The following RYR3 variants were observed in gnomAD, a reference collection of about 807,000 sequenced individuals.
RYR3 encodes the protein brain ryanodine receptor-calcium release channel.
Under a neutral mutation model 584.3 loss-of-function variants are expected in RYR3, and 207 were observed. The ratio of observed to expected loss-of-function variants is 0.35; its 90% CI spans 0.32 to 0.40. The LOEUF (loss-of-function observed/expected upper bound fraction) is 0.40, where lower values mean the gene tolerates loss of function less well. Among genes scored for constraint, RYR3 ranks in the 10% least tolerant of loss-of-function variants. The pLI is 1.00. For missense variants in RYR3, 5,616 were observed against 6,089.2 expected (o/e 0.92, Z 2.59); for synonymous variants, 2,416 against 2,248.5 (o/e 1.07, Z -2.11).
intron 1 of RYR3, among the ~76,000 whole-genome samples, chr15:33,438,965 G>C (rs981238693): frequency 1.4e-4 from 22 of 152,190 alleles, no homozygotes; most frequent in Admixed American, 1.3e-3. Context: ...ATAGGAATGA[G>C]AGAATGGGCC....
chr15:33,406,058 G>T (rs1356093828), intron 1 of RYR3, among the ~76,000 whole-genome samples: 1 of 152,206 alleles, frequency 6.6e-6, no homozygotes, highest in Non-Finnish European at 1.5e-5. Flanking sequence ...TACCCAGGAG[G>T]ACATGTTATT....
chr15:33,856,189 G>A (rs1567336995), intron 98 of RYR3: 1 of 152,260 alleles, frequency 6.6e-6, no homozygotes, highest in Non-Finnish European at 1.5e-5. Context: ...CAAAGTCCAA[G>A]TTCTTTCTCT....
At chr15:33,317,552 T>C (rs1436219166) in intron 1 of RYR3, among the ~76,000 whole-genome samples, 1 of 152,186 alleles carries the variant, frequency 6.6e-6, no homozygotes, top group Non-Finnish European at 1.5e-5. Flanking sequence ...TTTGCCATCA[T>C]AGCACCTCTT....
intron 1 of RYR3, among the ~76,000 whole-genome samples, chr15:33,420,790 T>C (rs1409654867): frequency 1.3e-5 from 2 of 152,124 alleles, no homozygotes; most frequent in Non-Finnish European, 2.9e-5. Flanking sequence ...TGATGAAATA[T>C]GCAGATATGG....
intron 16 of RYR3, among the ~76,000 whole-genome samples, chr15:33,586,897 T>G (rs2058877536): frequency 6.6e-6 from 1 of 152,094 alleles, no homozygotes; most frequent in Non-Finnish European, 1.5e-5. Context: ...AGACGCGATA[T>G]TCAACGGCTC....
intron 1 of RYR3, among the ~76,000 whole-genome samples, chr15:33,364,328 C>T: frequency 6.6e-6 from 1 of 152,078 alleles, no homozygotes; most frequent in South Asian, 2.1e-4. Flanking sequence ...TCCTTTTTCT[C>T]TGAGTTTCAT....
At chr15:33,652,597 C>G (rs2152688886) in intron 31 of RYR3, 121 bp from the exon 32 acceptor site, 3 of 994,962 alleles carry the variant, frequency 3.0e-6, no homozygotes, top group African/African-American at 1.7e-5. Context: ...GTATTTGGGG[C>G]TGAACAGAAA....
chr15:33,453,902 T>C (rs900743700), intron 1 of RYR3, among the ~76,000 whole-genome samples: 2 of 152,194 alleles, frequency 1.3e-5, no homozygotes, highest in Non-Finnish European at 2.9e-5. Flanking sequence ...AGCCTTTTCT[T>C]TTCATTGGGT....
intron 38 of RYR3, among the ~76,000 whole-genome samples, chr15:33,693,617 A>G (rs12592542): frequency 0.41 from 62,874 of 152,180 alleles, 15,244 homozygotes; most frequent in East Asian, 0.63. Flanking sequence ...TTGCCAGGGG[A>G]AAGATCTCTG....
At chr15:33,466,906 G>T (rs2048534740) in intron 1 of RYR3, among the ~76,000 whole-genome samples, 1 of 152,160 alleles carries the variant, frequency 6.6e-6, no homozygotes, top group Admixed American at 6.5e-5. Flanking sequence ...AAAGATCTTA[G>T]AATTGAAGGA....
intron 1 of RYR3, among the ~76,000 whole-genome samples, chr15:33,408,156 C>T (rs2043152629): frequency 6.6e-6 from 1 of 152,144 alleles, no homozygotes; most frequent in South Asian, 2.1e-4. Context: ...ATTTTAAGCT[C>T]TTCCCGCACC....
chr15:33,672,439 C>T (rs996028559), intron 38 of RYR3, among the ~76,000 whole-genome samples: 8 of 152,264 alleles, frequency 5.3e-5, no homozygotes, highest in Non-Finnish European at 8.8e-5. Context: ...ATGAGAGGTT[C>T]ACGTTTCGTG....
intron 47 of RYR3, among the ~76,000 whole-genome samples, chr15:33,729,647 T>A (rs2068780554): frequency 6.6e-6 from 1 of 151,876 alleles, no homozygotes; most frequent in African/African-American, 2.4e-5. Flanking sequence ...TCAACAAACA[T>A]CAAGAGAGGA....
At chr15:33,446,976 C>A (rs183963348) in intron 1 of RYR3, among the ~76,000 whole-genome samples, 1 of 152,324 alleles carries the variant, frequency 6.6e-6, no homozygotes, top group East Asian at 1.9e-4. Flanking sequence ...GAGTTGATGG[C>A]AGACTCTTCT....
At chr15:33,755,777 T>C (rs763916762) in intron 58 of RYR3, among the ~76,000 whole-genome samples, 1 of 152,106 alleles carries the variant, frequency 6.6e-6, no homozygotes, top group Non-Finnish European at 1.5e-5. Flanking sequence ...GCTTTCTTTC[T>C]TTTTTTTCTG....
Position 33,346,205 on chromosome 15 carries a change from A to G in RYR3, c.51+35109A>G, listed in dbSNP as rs376847678. ...GAGAAATACAACACTAGATTTTTAG[A>G]TGGCTGTGTGCGTGTATGTGTTGGA... On this transcript the variant is annotated intron_variant, in intron 1 of 103. Coordinates refer to ENST00000634891, the MANE Select transcript of RYR3 (RefSeq NM_001036.6). 1.1e-4 allele frequency among the ~76,000 whole-genome samples: 17 copies of G among 152,338 alleles called. 1 individual carries two copies. The East Asian group carries it at 2.7e-3, about 24-fold the overall frequency.
intron 95 of RYR3, 23 bp downstream of exon 95, chr15:33,853,110 A>G (rs56258848): frequency 0.037 from 58,124 of 1,558,766 alleles, 1,426 homozygotes; most frequent in Non-Finnish European, 0.039. Flanking sequence ...AGTGGGGGTG[A>G]GTTCCGTGAT....
chr15:33,643,460 G>C (rs1338585111), intron 27 of RYR3, among the ~76,000 whole-genome samples: 1 of 152,176 alleles, frequency 6.6e-6, no homozygotes, highest in Non-Finnish European at 1.5e-5. Flanking sequence ...ATACGATCAA[G>C]CTACAGATGT....
intron 27 of RYR3, among the ~76,000 whole-genome samples, chr15:33,637,759 T>A (rs1174769029): frequency 2.0e-5 from 3 of 152,240 alleles, no homozygotes; most frequent in Non-Finnish European, 4.4e-5. Context: ...CAGACACCTA[T>A]TGTTTAAAGT....
Sources: allele counts gnomAD v4.1 joint callset (sites outside exome capture counted in the v4.1 genomes callset), GRCh38; gene constraint gnomAD v4.1.1; transcripts MANE v1.5; gene names NCBI Gene and HGNC (gene_info 2026-07-23, HGNC 2026-07-21).